Variants in CHODL observed in about 807,000 individuals in gnomAD.
The protein encoded by CHODL is transmembrane protein MT75.
In CHODL, 29 loss-of-function variants were observed where a neutral mutation model predicts 34.5. That is an observed-to-expected ratio of 0.84 (90% CI 0.63 to 1.15). The LOEUF (loss-of-function observed/expected upper bound fraction) is 1.15, where lower values mean the gene tolerates loss of function less well. Ranked by LOEUF, CHODL falls within the 50% of genes most tolerant of loss-of-function variation. CHODL has a pLI of 0.00. For synonymous variants in CHODL, 125 were observed against 116.1 expected (o/e 1.08, Z -0.49); for missense variants, 332 against 332.5 (o/e 1.00, Z 0.01).
chr21:18,116,789 C>G (rs1029964577), intron 2 of CHODL, among the ~76,000 whole-genome samples: 1 of 152,112 alleles, frequency 6.6e-6, no homozygotes, highest in Non-Finnish European at 1.5e-5. Context: ...GGAGTTGAAG[C>G]CTTTGGGGCT....
chr21:18,151,949 G>A (rs1284200228), intron 2 of CHODL, among the ~76,000 whole-genome samples: 1 of 151,748 alleles, frequency 6.6e-6, no homozygotes, highest in African/African-American at 2.4e-5. Flanking sequence ...GGTTTTGAGG[G>A]GATACATTCA....
chr21:18,026,925 T>G (rs1386290310), intron 1 of CHODL, among the ~76,000 whole-genome samples: 1 of 152,148 alleles, frequency 6.6e-6, no homozygotes, highest in Non-Finnish European at 1.5e-5. Context: ...TTTTATAAAA[T>G]TTGCGTCTTC....
At chr21:18,056,853 G>A (rs1172274903) in intron 2 of CHODL, among the ~76,000 whole-genome samples, 1 of 151,926 alleles carries the variant, frequency 6.6e-6, no homozygotes, top group Non-Finnish European at 1.5e-5. Context: ...CCTCCCCATG[G>A]TTTTTTCCTT....
chr21:17,948,873 C>T (rs778041598), intron 1 of CHODL, among the ~76,000 whole-genome samples: 1 of 152,038 alleles, frequency 6.6e-6, no homozygotes, highest in Non-Finnish European at 1.5e-5. Flanking sequence ...CCAAAAAAAT[C>T]GAAGAGGTAG....
At chr21:18,195,926 G>A (rs2146700556) in intron 2 of CHODL, among the ~76,000 whole-genome samples, 1 of 152,236 alleles carries the variant, frequency 6.6e-6, no homozygotes, top group Middle Eastern at 3.4e-3. Flanking sequence ...TTCCAAGTGG[G>A]TTATGAGGAG....
chr21:18,103,232 A>C (rs2065236052), intron 2 of CHODL, among the ~76,000 whole-genome samples: 1 of 152,180 alleles, frequency 6.6e-6, no homozygotes, highest in African/African-American at 2.4e-5. Context: ...ATGTTTTTCT[A>C]CAAAAATGAG....
intron 2 of CHODL, among the ~76,000 whole-genome samples, chr21:18,149,108 A>G (rs1213494433): frequency 6.6e-6 from 1 of 152,226 alleles, no homozygotes; most frequent in Non-Finnish European, 1.5e-5. Context: ...AGTAAAACAT[A>G]ACCATCAGAG....
intron 2 of CHODL, among the ~76,000 whole-genome samples, chr21:18,035,739 A>G (rs2064301239): frequency 6.6e-6 from 1 of 151,984 alleles, no homozygotes; most frequent in Non-Finnish European, 1.5e-5. Context: ...AATTTTGTTC[A>G]GTGCATTTTT....
intron 2 of CHODL, among the ~76,000 whole-genome samples, chr21:18,171,611 T>C (rs925760339): frequency 5.9e-5 from 9 of 152,196 alleles, no homozygotes; most frequent in African/African-American, 1.9e-4. Flanking sequence ...ATTCATTCTT[T>C]TTCCTGGTAT....
At chr21:18,009,903 A>G (rs1009732151) in intron 1 of CHODL, among the ~76,000 whole-genome samples, 3 of 149,936 alleles carry the variant, frequency 2.0e-5, no homozygotes, top group African/African-American at 7.4e-5. Flanking sequence ...AAAAAAAATA[A>G]CATTTGGGTA....
At chr21:18,040,005 G>A (rs2064355937) in intron 2 of CHODL, among the ~76,000 whole-genome samples, 1 of 151,752 alleles carries the variant, frequency 6.6e-6, no homozygotes, top group South Asian at 2.1e-4. Flanking sequence ...GTTTTTCACA[G>A]ATGGATCACA....
At chr21:18,082,225 C>T (rs950748631) in intron 2 of CHODL, among the ~76,000 whole-genome samples, 1 of 152,146 alleles carries the variant, frequency 6.6e-6, no homozygotes, top group Non-Finnish European at 1.5e-5. Context: ...CCTGCTATGC[C>T]ATGGTAAGAC....
chr21:18,026,643 C>T (rs1420661903), intron 1 of CHODL, among the ~76,000 whole-genome samples: 2 of 152,146 alleles, frequency 1.3e-5, no homozygotes, highest in Admixed American at 6.5e-5. Context: ...CATGCATTAA[C>T]ATTCAGAAAA....
At chr21:17,926,894 A>T (rs762473293) in intron 1 of CHODL, among the ~76,000 whole-genome samples, 4 of 152,078 alleles carry the variant, frequency 2.6e-5, no homozygotes, top group Admixed American at 6.6e-5. Flanking sequence ...TAGGATAAAG[A>T]GTGCATTAGT....
At chr21:17,940,310 A>G (rs2063352458) in intron 1 of CHODL, among the ~76,000 whole-genome samples, 1 of 152,264 alleles carries the variant, frequency 6.6e-6, no homozygotes, top group African/African-American at 2.4e-5. Flanking sequence ...TCCCATTTTC[A>G]TCACCAATGA....
At chr21:18,113,550 G>T (rs372872161) in intron 2 of CHODL, among the ~76,000 whole-genome samples, 2 of 152,144 alleles carry the variant, frequency 1.3e-5, no homozygotes, top group African/African-American at 2.4e-5. Flanking sequence ...GGCACATCCC[G>T]CATGGCTGGA....
At chr21:18,245,655 G>A (rs181213627) in intron 1 of CHODL, among the ~76,000 whole-genome samples, 4 of 152,242 alleles carry the variant, frequency 2.6e-5, no homozygotes, top group Admixed American at 2.6e-4. Context: ...TAGGGCGGAG[G>A]CAGAGGGAAC....
At chr21:18,251,388 G>T (rs9982543) in intron 1 of CHODL, among the ~76,000 whole-genome samples, 1,037 of 67,494 alleles carry the variant, frequency 0.015, 47 homozygotes, top group African/African-American at 0.063. Flanking sequence ...TATTTTATTT[G>T]TTTTAATATA....
chr21:17,996,077 A>ATT (rs536411459), intron 1 of CHODL, among the ~76,000 whole-genome samples: 1 of 145,786 alleles, frequency 6.9e-6, no homozygotes, highest in African/African-American at 2.5e-5. Flanking sequence ...CTCATCATTT[A>ATT]TTTTTTTTTT....
Sources: gnomAD v4.1 joint callset for allele counts (sites outside exome capture counted in the v4.1 genomes callset) on GRCh38, gnomAD v4.1.1 for gene constraint, MANE v1.5 for transcripts, NCBI Gene and HGNC (gene_info 2026-07-23, HGNC 2026-07-21) for gene names.